NRG1: variants seen among roughly 807,000 people sequenced by gnomAD.
NRG1 encodes pro-neuregulin-1, membrane-bound isoform.
In NRG1, 18 loss-of-function variants were observed where a neutral mutation model predicts 63.8. The observed-to-expected ratio is 0.28, with a 90% confidence interval of 0.19 to 0.42. The LOEUF (loss-of-function observed/expected upper bound fraction) is 0.42, where lower values mean the gene tolerates loss of function less well. Among genes scored for constraint, NRG1 ranks in the 10% least tolerant of loss-of-function variants. The pLI is 1.00. For synonymous variants in NRG1, 302 were observed against 301.3 expected (o/e 1.00, Z -0.02); for missense variants, 762 against 814.7 (o/e 0.94, Z 0.79).
At position 32,472,234 on chromosome 8, in the gene NRG1, G is replaced by A. The variant is rs143979405; in HGVS notation, c.38-123594G>A. Among the ~76,000 whole-genome samples, 27 of 152,236 alleles carry A rather than the reference G, an allele frequency of 1.8e-4. No homozygotes were observed. In the East Asian group the frequency reaches 3.7e-3, roughly 21 times the overall value. On this transcript the variant is annotated intron_variant, in intron 1 of 10. Coordinates refer to the NRG1 transcript ENST00000519301. ...CGCCCAGGCTAGAGTGCAGTGGCGCGATATCAACTCACTGCAACCTCTACC... is the reference window on the plus strand; with the variant it reads ...CGCCCAGGCTAGAGTGCAGTGGCGCAATATCAACTCACTGCAACCTCTACC...
chr8:31,710,769 C>T (rs1247711784), intron 1 of NRG1, among the ~76,000 whole-genome samples: 2 of 152,014 alleles, frequency 1.3e-5, no homozygotes, highest in Non-Finnish European at 2.9e-5. Context: ...TTTACTTTCT[C>T]ATTCAATCTA....
rs1813629901 is a variant in NRG1, at chr8:32,005,508, T to C, written c.37+366077T>C. On this transcript the variant is annotated intron_variant, in intron 1 of 10. Transcript: ENST00000519301. ...TAAATTAAATCTTTCAAAATAATAA[T>C]TGCTGAAAAATAGTCATCTTAAGAA... Among the ~76,000 whole-genome samples the C allele has an allele frequency of 2.0e-5, 3 of 152,008 alleles. No homozygotes were observed. The South Asian group carries it at 6.2e-4, about 31-fold the overall frequency.
intron 5 of NRG1, among the ~76,000 whole-genome samples, chr8:32,657,111 A>G (rs532417249): frequency 2.0e-5 from 3 of 151,916 alleles, no homozygotes; most frequent in South Asian, 2.1e-4. Context: ...AAATGTACAT[A>G]TATGCATATG....
intron 1 of NRG1, among the ~76,000 whole-genome samples, chr8:31,979,159 T>C (rs1808669680): frequency 6.6e-6 from 1 of 152,138 alleles, no homozygotes; most frequent in African/African-American, 2.4e-5. Context: ...ATTCTTCCCT[T>C]TCTTTCCCTC....
At chr8:31,915,525 G>A (rs1833308452) in intron 1 of NRG1, among the ~76,000 whole-genome samples, 1 of 152,080 alleles carries the variant, frequency 6.6e-6, no homozygotes, top group African/African-American at 2.4e-5. Context: ...ACTGAGTTAT[G>A]TCTTAGCTGA....
chr8:31,820,113 TAGATATCTCTAGATCAGAGAAC>T (rs1823863922), intron 1 of NRG1, among the ~76,000 whole-genome samples: 2 of 152,310 alleles, frequency 1.3e-5, no homozygotes, highest in South Asian at 4.1e-4. Flanking sequence ...TATTAGGGAA[TAGATATCTCTAGATCAGAGAAC>T]AGATTGTGTA....
At chr8:31,682,321 A>G (rs943977279) in intron 1 of NRG1, among the ~76,000 whole-genome samples, 4 of 152,154 alleles carry the variant, frequency 2.6e-5, no homozygotes, top group African/African-American at 9.6e-5. Context: ...CATCCTCGCC[A>G]TTATGTGGTG....
At chr8:32,527,777 A>C (rs1393484852) in intron 1 of NRG1, among the ~76,000 whole-genome samples, 2 of 152,184 alleles carry the variant, frequency 1.3e-5, no homozygotes. Context: ...CCATTTCAAT[A>C]AATGTCACTA....
chr8:32,029,131 A>C (rs189096446), intron 1 of NRG1, among the ~76,000 whole-genome samples: 2,069 of 152,238 alleles, frequency 0.014, 15 homozygotes, highest in Middle Eastern at 0.037. Context: ...TGATTAAAGA[A>C]AACAAAGTAT....
intron 1 of NRG1, among the ~76,000 whole-genome samples, chr8:31,745,261 G>C (rs1376939195): frequency 6.6e-6 from 1 of 151,926 alleles, no homozygotes; most frequent in Non-Finnish European, 1.5e-5. Flanking sequence ...GGCCATGCTT[G>C]TCCCCCGACA....
At position 32,083,161 on chromosome 8, in the gene NRG1, CAT is replaced by C. The variant is rs138041824; in HGVS notation, c.37+443731_37+443732del. Among the ~76,000 whole-genome samples the C allele has an allele frequency of 9.6e-3, 1,457 of 152,270 alleles. 29 individuals are homozygous for C. The highest frequency in any genetic ancestry group is 0.082 in the South Asian group (397 of 4,830). ...TGCATGAAAAGGCCAAGCTTAGTAT[CAT>C]GTGTAATTTATGAGAGCTTGTTAAA... On this transcript the variant is annotated intron_variant, in intron 1 of 10. Coordinates refer to the NRG1 transcript ENST00000519301.
intron 1 of NRG1, among the ~76,000 whole-genome samples, chr8:32,467,543 A>G (rs1321663674): frequency 6.6e-6 from 1 of 152,242 alleles, no homozygotes; most frequent in Non-Finnish European, 1.5e-5. Context: ...CAATTTCTGC[A>G]TAGAGCTTAA....
rs540524400 is a variant in NRG1, at chr8:32,362,674, T to A, written c.38-233154T>A. On this transcript the variant is annotated intron_variant, in intron 1 of 10. Transcript: ENST00000519301. Reference sequence around the variant, plus strand: ...GCAGAGATTCTCTTCTCAGGAAGAGTAGAACTTTTCACAATCTCGAGCCAA... The same window carrying A: ...GCAGAGATTCTCTTCTCAGGAAGAGAAGAACTTTTCACAATCTCGAGCCAA... 4.6e-5 allele frequency among the ~76,000 whole-genome samples: 7 copies of A among 152,254 alleles called. No homozygotes were observed. In the South Asian group the frequency reaches 1.5e-3, roughly 32 times the overall value.
chr8:32,229,726 A>G (rs980248693), intron 1 of NRG1, among the ~76,000 whole-genome samples: 1 of 152,200 alleles, frequency 6.6e-6, no homozygotes, highest in Non-Finnish European at 1.5e-5. Flanking sequence ...TCCCTTTGCT[A>G]ACAAGACAGG....
At chr8:32,261,062 A>G (rs545940157) in intron 1 of NRG1, among the ~76,000 whole-genome samples, 20 of 152,314 alleles carry the variant, frequency 1.3e-4, no homozygotes, top group Admixed American at 5.2e-4. Context: ...TTATCTAGGC[A>G]TGACCTTAGA....
chr8:32,354,712 GTAAATAAATAAA>G lies in NRG1; in HGVS notation c.38-241086_38-241075del, dbSNP rs10569340. Among the ~76,000 whole-genome samples, 53 of 142,500 alleles carry G rather than the reference GTAAATAAATAAA, an allele frequency of 3.7e-4. 1 individual carries two copies. Among genetic ancestry groups the G allele is most frequent in the Non-Finnish European group, 5.3e-4 (35 of 66,328 alleles). 93.5% of individuals were successfully genotyped at this position (142,500 alleles called of 152,430 possible). A position where few individuals can be genotyped will look rare whatever the true frequency, so the allele number is the denominator to read the frequency against. On this transcript the variant is annotated intron_variant, in intron 1 of 10. Transcript: ENST00000519301. ...GAGACATAGCAAGATCTTGTCTCTAGTAAATAAATAAATAAATAAATAAATAAATAAATAAAT... is the reference window on the plus strand; with the variant it reads ...GAGACATAGCAAGATCTTGTCTCTAGTAAATAAATAAATAAATAAATAAAT...
chr8:32,131,169 T>C (rs145527708), intron 1 of NRG1, among the ~76,000 whole-genome samples: 1 of 152,124 alleles, frequency 6.6e-6, no homozygotes, highest in East Asian at 1.9e-4. Context: ...ACTTACTAAG[T>C]GTATTTGCTG....
At chr8:31,740,472 A>AT (rs1279122597) in intron 1 of NRG1, among the ~76,000 whole-genome samples, 1 of 151,942 alleles carries the variant, frequency 6.6e-6, no homozygotes, top group African/African-American at 2.4e-5. Flanking sequence ...GAGTTCAGTG[A>AT]TTTTTTTCTG....
chr8:31,693,650 T>G (rs1809763176), intron 1 of NRG1, among the ~76,000 whole-genome samples: 1 of 152,186 alleles, frequency 6.6e-6, no homozygotes, highest in South Asian at 2.1e-4. Flanking sequence ...CCTGTAGAAA[T>G]CCTCTCTTGA....
Sources: allele counts gnomAD v4.1 joint callset (sites outside exome capture counted in the v4.1 genomes callset), GRCh38; gene constraint gnomAD v4.1.1; transcripts MANE v1.5; gene names NCBI Gene and HGNC (gene_info 2026-07-23, HGNC 2026-07-21).